Variants in FBXW8 observed in about 807,000 individuals in gnomAD.
The protein encoded by FBXW8 is F-box and WD repeat domain containing 8, also known as F-box/WD repeat-containing protein 8.
In FBXW8, 57 loss-of-function variants were observed where a neutral mutation model predicts 65.3. The observed-to-expected ratio is 0.87, with a 90% confidence interval of 0.71 to 1.09. FBXW8 has a LOEUF of 1.09. FBXW8 is among the 50% of genes least tolerant of loss of function. The pLI is 0.00. For missense variants in FBXW8, 777 were observed against 814.8 expected (o/e 0.95, Z 0.57); for synonymous variants, 308 against 330.2 (o/e 0.93, Z 0.73).
intron 7 of FBXW8, among the ~76,000 whole-genome samples, chr12:116,994,565 A>G (rs1953332787): frequency 1.3e-5 from 2 of 152,220 alleles, no homozygotes; most frequent in African/African-American, 4.8e-5. Context: ...TAGTTTATGC[A>G]CTTATAATCA....
intron 2 of FBXW8, among the ~76,000 whole-genome samples, chr12:116,934,549 A>C (rs1346402954): frequency 6.6e-6 from 1 of 152,218 alleles, no homozygotes; most frequent in African/African-American, 2.4e-5. Flanking sequence ...GGAGAAAAGT[A>C]AGTCTGCCAT....
intron 5 of FBXW8, chr12:116,979,106 A>G (rs1181472669): frequency 2.6e-5 from 4 of 152,270 alleles, no homozygotes; most frequent in African/African-American, 9.6e-5. Context: ...AAGAATATAA[A>G]TATTCTGTGC....
At chr12:116,946,426 T>G (rs1314429362) in intron 3 of FBXW8, among the ~76,000 whole-genome samples, 1 of 152,156 alleles carries the variant, frequency 6.6e-6, no homozygotes, top group Admixed American at 6.5e-5. Context: ...CTAGTGACAT[T>G]TGGGGCCAGC....
At chr12:116,989,019 A>C in intron 7 of FBXW8, 150 bp downstream of exon 7, 1 of 708,706 alleles carries the variant, frequency 1.4e-6, no homozygotes, top group Non-Finnish European at 2.3e-6. Flanking sequence ...CTTCAAAAGG[A>C]TTGCAAATGA....
intron 5 of FBXW8, among the ~76,000 whole-genome samples, chr12:116,981,589 A>G (rs115133547): frequency 0.033 from 4,924 of 151,256 alleles, 262 homozygotes; most frequent in African/African-American, 0.11. Flanking sequence ...AAGGGAAGAA[A>G]TGGAAGTATG....
intron 7 of FBXW8, among the ~76,000 whole-genome samples, chr12:117,008,390 A>G (rs909502503): frequency 6.6e-6 from 1 of 152,354 alleles, no homozygotes; most frequent in Non-Finnish European, 1.5e-5. Flanking sequence ...TTATTTCTAT[A>G]TACTTACTTG....
chr12:116,913,150 C>T (rs541547606), intron 1 of FBXW8, among the ~76,000 whole-genome samples: 1 of 152,034 alleles, frequency 6.6e-6, no homozygotes, highest in African/African-American at 2.4e-5. Context: ...AGGGAAGGGG[C>T]CCTGAAATCT....
At chr12:116,940,430 G>A (rs991229605) in intron 2 of FBXW8, among the ~76,000 whole-genome samples, 1 of 151,034 alleles carries the variant, frequency 6.6e-6, no homozygotes, top group African/African-American at 2.4e-5. Flanking sequence ...GATTAAAATC[G>A]ATCAAAAGTT....
chr12:116,950,744 A>T (rs1883219731), intron 4 of FBXW8: 1 of 152,204 alleles, frequency 6.6e-6, no homozygotes, highest in Non-Finnish European at 1.5e-5. Context: ...GTGCTGCAGA[A>T]CTAGTTTTAG....
chr12:116,973,951 CA>C (rs1160299431), intron 5 of FBXW8, among the ~76,000 whole-genome samples: 1 of 152,174 alleles, frequency 6.6e-6, no homozygotes, highest in Non-Finnish European at 1.5e-5. Context: ...GAAAACCGGA[CA>C]AAATATATTA....
At chr12:116,915,602 ACTTCT>A (rs1457039207) in intron 1 of FBXW8, among the ~76,000 whole-genome samples, 1 of 141,472 alleles carries the variant, frequency 7.1e-6, no homozygotes, top group African/African-American at 2.7e-5. Flanking sequence ...CACTCACCTG[ACTTCT>A]CTTCCACCCA....
intron 9 of FBXW8, among the ~76,000 whole-genome samples, chr12:117,026,971 T>C (rs1381547074): frequency 6.6e-6 from 1 of 152,140 alleles, no homozygotes; most frequent in African/African-American, 2.4e-5. Flanking sequence ...GGGGGCACCT[T>C]CATGGATCAA....
At chr12:117,007,311 A>C (rs1953700320) in intron 7 of FBXW8, among the ~76,000 whole-genome samples, 1 of 152,116 alleles carries the variant, frequency 6.6e-6, no homozygotes, top group Admixed American at 6.5e-5. Flanking sequence ...TTCTTTTTAA[A>C]GATAGTGCTT....
rs747189414 is a variant in FBXW8, at chr12:117,010,378, T to G, written c.1295T>G (p.Leu432Arg). ...CGCCTCTTGAAGCTGGGTAACGTTC[T>G]CCGTGACTTCACGTGTGTCAACCTC... ...GRRLLKLGNV[L>R]RDFTCVNLSD... Residue 432 changes from leucine (L) to arginine (R), a missense_variant, in exon 8 of 11, where the codon CTC becomes CGC. Physicochemically the swap from Leu to Arg is moderately radical, Grantham distance 102 (BLOSUM62 -2). Coordinates refer to ENST00000652555, the MANE Select transcript of FBXW8 (RefSeq NM_153348.3). The G allele has an allele frequency of 1.2e-6, 2 of 1,614,092 alleles. No homozygotes were observed. The highest frequency in any genetic ancestry group is 3.3e-5 in the Admixed American group (2 of 60,000).
Position 117,028,347 on chromosome 12 carries a change from C to G in FBXW8, c.*175C>G. 1.3e-6 allele frequency: 1 copy of G among 773,040 alleles called. No homozygotes were observed. The highest frequency in any genetic ancestry group is 2.0e-6 in the Non-Finnish European group (1 of 495,418). 47.9% of individuals were successfully genotyped at this position (773,040 alleles called of 1,614,324 possible). A position where few individuals can be genotyped will look rare whatever the true frequency, so the allele number is the denominator to read the frequency against. The stretch of plus-strand genomic sequence containing the variant: ...CCTGCACTTCCCCCAGCGCCTGGGG[C>G]AAGCTGGCGTGTGCCAGGGCTCGAG... On this transcript the variant is annotated 3_prime_UTR_variant, in exon 11 of 11. Coordinates refer to ENST00000652555, the MANE Select transcript of FBXW8 (RefSeq NM_153348.3). The surrounding 1 kb of genome is among the most constrained non-coding windows in gnomAD (Gnocchi z 4.1).
chr12:116,938,518 A>G (rs1025925711), intron 2 of FBXW8, among the ~76,000 whole-genome samples: 10 of 152,216 alleles, frequency 6.6e-5, no homozygotes, highest in Admixed American at 6.5e-5. Flanking sequence ...TGTGTTATTT[A>G]AAATGATTTG....
intron 1 of FBXW8, 92 bp downstream of exon 1, chr12:116,911,447 C>A: frequency 2.3e-6 from 2 of 882,766 alleles, no homozygotes; most frequent in Non-Finnish European, 2.9e-6. Context: ...TAACTGTGTG[C>A]CACTAGTTGC....
At chr12:116,942,011 A>AT (rs982294088) in intron 2 of FBXW8, among the ~76,000 whole-genome samples, 6 of 151,616 alleles carry the variant, frequency 4.0e-5, no homozygotes, top group Non-Finnish European at 7.4e-5. Flanking sequence ...CATTTTATTC[A>AT]TTTTTTTGGT....
intron 7 of FBXW8, among the ~76,000 whole-genome samples, chr12:117,001,930 C>A (rs1953531202): frequency 6.6e-6 from 1 of 152,242 alleles, no homozygotes; most frequent in South Asian, 2.1e-4. Flanking sequence ...TCTGCTCACT[C>A]CACAAAGTAG....
Sources: gnomAD v4.1 joint callset for allele counts (sites outside exome capture counted in the v4.1 genomes callset) on GRCh38, gnomAD v4.1.1 for gene constraint, Gnocchi (gnomAD v3.1) non-coding constraint, MANE v1.5 for transcripts, NCBI Gene and HGNC (gene_info 2026-07-23, HGNC 2026-07-21) for gene names.